Variants in SEMA5A observed in about 807,000 individuals in gnomAD.
SEMA5A encodes the protein semaphorin 5A.
Under a neutral mutation model 135.5 loss-of-function variants are expected in SEMA5A, and 55 were observed. The observed-to-expected ratio is 0.41, with a 90% CI of 0.33 to 0.51. The LOEUF (loss-of-function observed/expected upper bound fraction) is 0.51, where lower values mean the gene tolerates loss of function less well. SEMA5A is among the 20% of genes least tolerant of loss of function. The pLI is 0.37. For synonymous variants in SEMA5A, 580 were observed against 546.5 expected (o/e 1.06, Z -0.85); for missense variants, 1,290 against 1,419.9 (o/e 0.91, Z 1.47).
intron 1 of SEMA5A, among the ~76,000 whole-genome samples, chr5:9,516,354 C>T (rs991381322): frequency 2.0e-5 from 3 of 152,092 alleles, no homozygotes; most frequent in East Asian, 1.9e-4. Flanking sequence ...GAACAGGGAA[C>T]GTACACATGG....
chr5:9,484,656 TG>T (rs1401909276), intron 1 of SEMA5A, among the ~76,000 whole-genome samples: 2 of 152,224 alleles, frequency 1.3e-5, no homozygotes, highest in South Asian at 2.1e-4. Context: ...AAATGTTATT[TG>T]GATTGTTCAT....
At chr5:9,463,252 G>C (rs936825301) in intron 1 of SEMA5A, among the ~76,000 whole-genome samples, 2 of 152,032 alleles carry the variant, frequency 1.3e-5, no homozygotes, top group Admixed American at 6.6e-5. Context: ...CTAAATAAAA[G>C]ATCATTGAAA....
At chr5:9,474,169 G>A (rs1029786099) in intron 1 of SEMA5A, among the ~76,000 whole-genome samples, 2 of 152,166 alleles carry the variant, frequency 1.3e-5, no homozygotes, top group African/African-American at 4.8e-5. Context: ...GAAGAATTCC[G>A]TCCGTCAGAG....
intron 3 of SEMA5A, among the ~76,000 whole-genome samples, chr5:9,362,053 A>G (rs1754721450): frequency 6.6e-6 from 1 of 152,166 alleles, no homozygotes; most frequent in South Asian, 2.1e-4. Context: ...TTTCGTCTTC[A>G]TGAGACAATG....
At chr5:9,392,202 A>C (rs922734294) in intron 2 of SEMA5A, among the ~76,000 whole-genome samples, 4 of 152,150 alleles carry the variant, frequency 2.6e-5, no homozygotes, top group African/African-American at 9.7e-5. Context: ...CCACTATTAG[A>C]TTCCATTATT....
chr5:9,333,037 C>T (rs1281417198), intron 4 of SEMA5A, among the ~76,000 whole-genome samples: 1 of 152,144 alleles, frequency 6.6e-6, no homozygotes, highest in African/African-American at 2.4e-5. Context: ...TTATATTACA[C>T]TCAAGCTTTT....
At chr5:9,096,554 CTGTG>C (rs56202626) in intron 16 of SEMA5A, among the ~76,000 whole-genome samples, 18,153 of 144,280 alleles carry the variant, frequency 0.13, 1,341 homozygotes, top group East Asian at 0.23. Flanking sequence ...TAATATTCCA[CTGTG>C]TGTGTGTGTG....
chr5:9,393,149 AC>A (rs1441537604), intron 2 of SEMA5A, among the ~76,000 whole-genome samples: 1 of 152,164 alleles, frequency 6.6e-6, no homozygotes, highest in Non-Finnish European at 1.5e-5. Context: ...TGGAAAAGTA[AC>A]CCCCAAGTGT....
At chr5:9,084,764 C>G (rs978509334) in intron 16 of SEMA5A, among the ~76,000 whole-genome samples, 3 of 151,942 alleles carry the variant, frequency 2.0e-5, no homozygotes, top group African/African-American at 7.3e-5. Flanking sequence ...GAAAAGATAC[C>G]CCAAAATGTA....
chr5:9,526,255 T>C (rs1737117621), intron 1 of SEMA5A, among the ~76,000 whole-genome samples: 1 of 151,906 alleles, frequency 6.6e-6, no homozygotes, highest in African/African-American at 2.4e-5. Context: ...ACTTCAATTA[T>C]CCAAAAGCAT....
At chr5:9,305,964 G>A (rs1037794531) in intron 5 of SEMA5A, among the ~76,000 whole-genome samples, 1 of 152,072 alleles carries the variant, frequency 6.6e-6, no homozygotes, top group Non-Finnish European at 1.5e-5. Context: ...GGTTCTAACT[G>A]CTTCTTCCAT....
At chr5:9,319,248 T>C (rs1752522092) in intron 4 of SEMA5A, among the ~76,000 whole-genome samples, 1 of 151,958 alleles carries the variant, frequency 6.6e-6, no homozygotes, top group Non-Finnish European at 1.5e-5. Context: ...TAACTTGCAT[T>C]ATATAGGATT....
At chr5:9,444,911 C>G (rs1179420149) in intron 1 of SEMA5A, among the ~76,000 whole-genome samples, 2 of 152,174 alleles carry the variant, frequency 1.3e-5, no homozygotes, top group African/African-American at 4.8e-5. Flanking sequence ...CACAGACAAA[C>G]AGGTTCTGAA....
chr5:9,539,542 G>T lies in SEMA5A; in HGVS notation c.-175+6042C>A, dbSNP rs1215204072. Among the ~76,000 whole-genome samples the T allele has an allele frequency of 2.0e-5, 3 of 152,156 alleles. No individual in the cohort carries two copies. In the East Asian group the frequency reaches 5.8e-4, roughly 29 times the overall value. ...CTGGAATTTGTGTGCTTGGAGGAGA[G>T]GGTGCTGTTTTAAATGAGAACATCC... On this transcript the variant is annotated intron_variant, in intron 1 of 22. Transcript: ENST00000382496.
intron 20 of SEMA5A, among the ~76,000 whole-genome samples, chr5:9,051,160 G>T (rs1736553950): frequency 6.6e-6 from 1 of 152,134 alleles, no homozygotes; most frequent in East Asian, 1.9e-4. Context: ...ACTGAGGTAT[G>T]GTATGCTAAT....
At chr5:9,368,345 C>T (rs1414924882) in intron 3 of SEMA5A, among the ~76,000 whole-genome samples, 4 of 152,144 alleles carry the variant, frequency 2.6e-5, no homozygotes, top group South Asian at 2.1e-4. Context: ...TTGACACTCT[C>T]GACAAGTTTA....
At chr5:9,320,602 C>T (rs746135418) in intron 4 of SEMA5A, among the ~76,000 whole-genome samples, 4 of 152,134 alleles carry the variant, frequency 2.6e-5, no homozygotes, top group Non-Finnish European at 4.4e-5. Flanking sequence ...CTTGGAGTCC[C>T]AGCTACTCAG....
In SEMA5A at chr5:9,427,317, A is replaced by G. The variant is rs75236776; in HGVS notation, c.-78+10439T>C. 9.2e-3 allele frequency among the ~76,000 whole-genome samples: 1,392 copies of G among 151,646 alleles called. 9 individuals are homozygous for G. The highest frequency in any genetic ancestry group is 0.011 in the Non-Finnish European group (773 of 67,732). On this transcript the variant is annotated intron_variant, in intron 2 of 22. Transcript: ENST00000382496. Reference sequence around the variant, plus strand: ...CAGAGAAGACTCTGTCTCGGGGGGGAAAAAGATGAAATCAACTCCTAGAAA... The same window carrying G: ...CAGAGAAGACTCTGTCTCGGGGGGGGAAAAGATGAAATCAACTCCTAGAAA...
At chr5:9,487,013 T>C (rs994498653) in intron 1 of SEMA5A, among the ~76,000 whole-genome samples, 1 of 17,320 alleles carries the variant, frequency 5.8e-5, no homozygotes, top group Non-Finnish European at 1.7e-4. Flanking sequence ...CCATAGATTG[T>C]CTCTGAAAAA....
Sources: gnomAD v4.1 joint callset for allele counts (sites outside exome capture counted in the v4.1 genomes callset) on GRCh38, gnomAD v4.1.1 for gene constraint, MANE v1.5 for transcripts, NCBI Gene and HGNC (gene_info 2026-07-23, HGNC 2026-07-21) for gene names.